Variants in CERS6 observed in about 807,000 individuals in gnomAD.
CERS6 encodes ceramide synthase 6.
A neutral mutation model predicts 56.8 loss-of-function variants in CERS6; 26 were observed. That is an observed-to-expected ratio of 0.46 (90% CI 0.34 to 0.63). The LOEUF (loss-of-function observed/expected upper bound fraction) is 0.63. Ranked by LOEUF, CERS6 falls within the 30% of genes least tolerant of loss-of-function variation. CERS6 has a pLI of 0.01. For synonymous variants in CERS6, 164 were observed against 173.3 expected, an observed-to-expected ratio of 0.95 and a Z score of 0.42; for missense variants, 415 against 467.5, an observed-to-expected ratio of 0.89 and a Z score of 1.04.
At chr2:168,654,103 G>T (rs1293553205) in intron 4 of CERS6, among the ~76,000 whole-genome samples, 1 of 152,152 alleles carries the variant, frequency 6.6e-6, no homozygotes, top group East Asian at 1.9e-4. Context: ...CCTAGGAAAA[G>T]AAATTATAAG....
chr2:168,606,461 T>TCCAAC (rs1684055634), intron 3 of CERS6: 1 of 152,212 alleles, frequency 6.6e-6, no homozygotes, highest in Non-Finnish European at 1.5e-5. Context: ...CTCTGGATCC[T>TCCAAC]TCCTGTTTTA....
At chr2:168,563,381 A>G (rs1388098609) in intron 3 of CERS6, among the ~76,000 whole-genome samples, 1 of 152,260 alleles carries the variant, frequency 6.6e-6, no homozygotes, top group African/African-American at 2.4e-5. Context: ...TGGAGGCACA[A>G]TGATGGGGAA....
intron 5 of CERS6, among the ~76,000 whole-genome samples, chr2:168,692,764 T>C (rs977296523): frequency 1.6e-4 from 25 of 151,836 alleles, no homozygotes; most frequent in Non-Finnish European, 2.8e-4. Flanking sequence ...TGTGTGTGGG[T>C]GGGGGGGAAC....
At chr2:168,622,779 A>C (rs181077478) in intron 3 of CERS6, among the ~76,000 whole-genome samples, 1 of 152,340 alleles carries the variant, frequency 6.6e-6, no homozygotes, top group African/African-American at 2.4e-5. Flanking sequence ...AGGTGGAAAT[A>C]GTTTCAGGAA....
At chr2:168,706,111 T>C (rs541038319) in intron 6 of CERS6, among the ~76,000 whole-genome samples, 2 of 152,230 alleles carry the variant, frequency 1.3e-5, no homozygotes, top group South Asian at 2.1e-4. Context: ...ATATGTACAA[T>C]TAAGAAAACT....
At chr2:168,641,586 A>T (rs1330430624) in intron 4 of CERS6, among the ~76,000 whole-genome samples, 2 of 152,162 alleles carry the variant, frequency 1.3e-5, no homozygotes, top group African/African-American at 2.4e-5. Flanking sequence ...TCCCCTCACC[A>T]TTGAACACCT....
chr2:168,490,297 TG>T (rs1184415604), intron 1 of CERS6, among the ~76,000 whole-genome samples: 17 of 152,312 alleles, frequency 1.1e-4, no homozygotes, highest in African/African-American at 3.6e-4. Context: ...CTTTGGCCTG[TG>T]AGGGCTCCTT....
intron 4 of CERS6, among the ~76,000 whole-genome samples, chr2:168,682,754 T>C (rs1359533119): frequency 1.3e-5 from 2 of 152,192 alleles, no homozygotes; most frequent in Non-Finnish European, 2.9e-5. Context: ...AGATCCATGC[T>C]ATGTGGTTCT....
intron 4 of CERS6, among the ~76,000 whole-genome samples, chr2:168,685,325 G>A (rs1451777712): frequency 6.6e-6 from 1 of 152,112 alleles, no homozygotes; most frequent in Non-Finnish European, 1.5e-5. Context: ...TTATTCAGCT[G>A]CAGATGCCTA....
At chr2:168,724,866 G>A (rs900443862) in intron 8 of CERS6, among the ~76,000 whole-genome samples, 2 of 152,250 alleles carry the variant, frequency 1.3e-5, no homozygotes, top group African/African-American at 4.8e-5. Flanking sequence ...GCTGCAGGTG[G>A]AGCTGCCTGC....
At chr2:168,499,501 G>A (rs1694540214) in intron 1 of CERS6, among the ~76,000 whole-genome samples, 1 of 152,188 alleles carries the variant, frequency 6.6e-6, no homozygotes, top group South Asian at 2.1e-4. Context: ...TAGGGAGCCA[G>A]CTGTAAGATC....
intron 3 of CERS6, among the ~76,000 whole-genome samples, chr2:168,595,700 A>T (rs1269776105): frequency 6.6e-6 from 1 of 152,210 alleles, no homozygotes; most frequent in African/African-American, 2.4e-5. Flanking sequence ...GTTTGAATTG[A>T]TATCATCTTT....
chr2:168,757,568 G>C (rs1159179124), intron 8 of CERS6, among the ~76,000 whole-genome samples: 1 of 152,130 alleles, frequency 6.6e-6, no homozygotes, highest in Non-Finnish European at 1.5e-5. Context: ...TTCAAGTTCA[G>C]ATTCCTGTCC....
chr2:168,679,234 A>G (rs970160064), intron 4 of CERS6, among the ~76,000 whole-genome samples: 3 of 152,184 alleles, frequency 2.0e-5, no homozygotes, highest in African/African-American at 7.2e-5. Flanking sequence ...GATGGGGGGA[A>G]TAAGTTCTGG....
chr2:168,672,840 G>C (rs1685956811), intron 4 of CERS6, among the ~76,000 whole-genome samples: 1 of 152,136 alleles, frequency 6.6e-6, no homozygotes, highest in African/African-American at 2.4e-5. Flanking sequence ...ACACAATTTT[G>C]GAAGATGAGA....
intron 3 of CERS6, among the ~76,000 whole-genome samples, chr2:168,577,402 A>T (rs1404410859): frequency 2.0e-5 from 3 of 152,206 alleles, no homozygotes; most frequent in African/African-American, 7.2e-5. Context: ...AGAAGTTGCA[A>T]TGTGGGAACT....
At chr2:168,491,867 G>C (rs763839893) in intron 1 of CERS6, among the ~76,000 whole-genome samples, 5 of 152,128 alleles carry the variant, frequency 3.3e-5, no homozygotes, top group African/African-American at 4.8e-5. Context: ...AGAACATGTG[G>C]TGTTTGGTTT....
At chr2:168,540,497 T>A (rs1038721842) in intron 1 of CERS6, among the ~76,000 whole-genome samples, 1 of 152,206 alleles carries the variant, frequency 6.6e-6, no homozygotes, top group African/African-American at 2.4e-5. Context: ...ATAATGGTAA[T>A]GTCCTGTACA....
chr2:168,666,120 G>A (rs1311515096), intron 4 of CERS6, among the ~76,000 whole-genome samples: 1 of 152,040 alleles, frequency 6.6e-6, no homozygotes, highest in African/African-American at 2.4e-5. Flanking sequence ...TGCATTATTA[G>A]TGGTACTTTT....
Sources: allele counts gnomAD v4.1 joint callset (sites outside exome capture counted in the v4.1 genomes callset), GRCh38; gene constraint gnomAD v4.1.1; transcripts MANE v1.5; gene names NCBI Gene and HGNC (gene_info 2026-07-23, HGNC 2026-07-21).